TOP3B: variants seen among roughly 807,000 people sequenced by gnomAD.
The protein encoded by TOP3B is DNA topoisomerase III beta, also known as DNA topoisomerase 3-beta-1.
A neutral mutation model predicts 93.9 loss-of-function variants in TOP3B; 45 were observed. The observed-to-expected ratio is 0.48, with a 90% CI of 0.38 to 0.61. TOP3B has a LOEUF of 0.61. TOP3B is among the 20% of genes least tolerant of loss of function. TOP3B has a pLI of 0.00. For missense variants in TOP3B, 750 were observed against 1,156.1 expected (o/e 0.65, Z 5.09); for synonymous variants, 357 against 472.6 (o/e 0.76, Z 3.17).
chr22:21,980,130 C>A (rs9610796), intron 1 of TOP3B, among the ~76,000 whole-genome samples: 18,219 of 151,984 alleles, frequency 0.12, 1,185 homozygotes, highest in African/African-American at 0.13. Context: ...TATGTGTGCA[C>A]ACGTGTGCAC....
chr22:21,960,528 G>T, intron 13 of TOP3B, 79 bp from the exon 14 acceptor site: 1 of 1,581,300 alleles, frequency 6.3e-7, no homozygotes. Context: ...CACCTGTCAC[G>T]GGGCCCCTGG....
chr22:21,959,523 G>A, intron 15 of TOP3B, 64 bp downstream of exon 15: 3 of 1,537,188 alleles, frequency 2.0e-6, no homozygotes, highest in Non-Finnish European at 2.6e-6. Context: ...TGGGTCCCCA[G>A]GTACTGGCCT....
intron 1 of TOP3B, among the ~76,000 whole-genome samples, chr22:21,980,820 G>A (rs1055424601): frequency 1.3e-5 from 2 of 152,184 alleles, no homozygotes; most frequent in Admixed American, 1.3e-4. Flanking sequence ...TGCATCTGGC[G>A]TCAGCAGTCT....
chr22:21,975,352 G>C, intron 2 of TOP3B: 1 of 303,120 alleles, frequency 3.3e-6, no homozygotes. Context: ...TCCAGGGCTG[G>C]TTTCTACTAC....
chr22:21,958,887 A>C, intron 16 of TOP3B, 194 bp from the exon 17 acceptor site: 4 of 1,084,454 alleles, frequency 3.7e-6, no homozygotes, highest in Non-Finnish European at 5.1e-6. Flanking sequence ...CTGTGTGTAC[A>C]TTAATGCCCA....
rs144318860 is a variant in TOP3B at position 21,972,763 on chromosome 22, C to T, written c.203-45G>A. On this transcript the variant is annotated intron_variant, in intron 3 of 17. Transcript: ENST00000357179. ...ACATTGAGTCACAGGAGCTCAGCCT[C>T]CGAGACCATCATAACCCCAGGAGGA... 8.2e-4 allele frequency: 1,230 copies of T among 1,499,444 alleles called. 20 individuals are homozygous for T. The East Asian group carries it at 0.016, about 20-fold the overall frequency. The allele number at this position is 1,499,444 out of a possible 1,614,324, so 92.9% of individuals were successfully genotyped here.
At chr22:21,967,406 TG>T in intron 8 of TOP3B, 196 bp downstream of exon 8, 1 of 587,112 alleles carries the variant, frequency 1.7e-6, no homozygotes, top group Non-Finnish European at 3.0e-6. Flanking sequence ...TGCAGTACAC[TG>T]TGACTATTGC....
In TOP3B at chr22:21,971,198, G is replaced by T; in HGVS notation, c.384+679C>A. On this transcript the variant is annotated intron_variant, in intron 5 of 17. Transcript: ENST00000357179. This position sits in a 1 kb window ranked among gnomAD's most constrained non-coding sequence, Gnocchi z 4.6. ...TGTGATCGCATTTGCTGAGGGTGCT[G>T]TACTGCAACGCCAGGTGCCTCAGCT... is the stretch of plus-strand genomic sequence containing the variant. 1 of 439,486 alleles carries T rather than the reference G, an allele frequency of 2.3e-6. No individual in the cohort carries two copies. Among genetic ancestry groups the T allele is most frequent in the Non-Finnish European group, 3.9e-6 (1 of 257,742 alleles). The allele number at this position is 439,486 out of a possible 1,614,324, so 27.2% of individuals were successfully genotyped here.
chr22:21,962,366 G>A (rs752582441), intron 13 of TOP3B, 63 bp downstream of exon 13: 1 of 1,607,650 alleles, frequency 6.2e-7, no homozygotes, highest in South Asian at 1.1e-5. Flanking sequence ...AGCTTTGTGA[G>A]TAGACTCGAA....
intron 1 of TOP3B, among the ~76,000 whole-genome samples, chr22:21,979,954 A>C (rs1291936497): frequency 6.6e-6 from 1 of 150,838 alleles, no homozygotes; most frequent in Middle Eastern, 3.2e-3. Context: ...AAAAAAAAAA[A>C]AAAAAAAAAA....
rs997825378 is a variant in TOP3B at position 21,971,747 on chromosome 22, A to T, written c.384+130T>A. 2.1e-5 allele frequency: 16 copies of T among 764,782 alleles called. No individual in the cohort carries two copies. In the African/African-American group the frequency reaches 2.6e-4, roughly 12 times the overall value. The allele number at this position is 764,782 out of a possible 1,614,324, so 47.4% of individuals were successfully genotyped here. ...GAGTTTCAGAATAAAGGGAGGGGAG[A>T]GGTGTTTTTAAACCGGTACAGTTTA... On this transcript the variant is annotated intron_variant, in intron 5 of 17. Coordinates refer to ENST00000357179, the MANE Select transcript of TOP3B (RefSeq NM_001282112.2). This position sits in a 1 kb window ranked among gnomAD's most constrained non-coding sequence, Gnocchi z 4.6.
At position 21,968,692 on chromosome 22, in the gene TOP3B, A is replaced by G. The variant is rs2071510828; in HGVS notation, c.665T>C (p.Leu222Pro). The change falls in exon 7 of 18, where the codon CTG (leucine) becomes CCG (proline). Residue 222 changes from leucine (L) to proline (P), a missense_variant. Around this residue, in one of 4 missense-constraint regions of TOP3B, gnomAD observed 737 missense variants for 933.7 expected, o/e 0.79. Transcript: ENST00000357179. ...ISFGPCQTPT[L>P]GFCVERHDKI... ...ATCATGTCTCTCCACACAGAATCCC[A>G]GGGTTGGAGTCTGACACGGCCCAAA... 1 of 1,614,170 alleles carries G rather than the reference A, an allele frequency of 6.2e-7. No individual in the cohort carries two copies. Among genetic ancestry groups the G allele is most frequent in the Non-Finnish European group, 8.5e-7 (1 of 1,180,026 alleles).
intron 4 of TOP3B, chr22:21,972,325 T>A (rs997597806): frequency 4.3e-6 from 2 of 466,058 alleles, no homozygotes; most frequent in Non-Finnish European, 7.5e-6. Flanking sequence ...TTCCATAATC[T>A]GTATGCATTT....
Position 21,959,595 on chromosome 22 carries a change from G to A in TOP3B, c.1796C>T (p.Ser599Phe). Reference protein sequence around the residue: ...FKRKFHYFVDSIAGMDELMEV... With the variant: ...FKRKFHYFVDFIAGMDELMEV... ...CCAGAGGCAGACTCTACCAGCAATGGAGTCGACAAAGTAGTGGAACTTCCT... is the reference window on the plus strand; with the variant it reads ...CCAGAGGCAGACTCTACCAGCAATGAAGTCGACAAAGTAGTGGAACTTCCT... The change falls in exon 15 of 18, where the codon TCC becomes TTC. Residue 599 changes from serine to phenylalanine, a missense_variant. Around this residue, in one of 4 missense-constraint regions of TOP3B, gnomAD observed 737 missense variants for 933.7 expected, o/e 0.79. Coordinates refer to ENST00000357179, the MANE Select transcript of TOP3B (RefSeq NM_001282112.2). 1 of 1,610,404 alleles carries A rather than the reference G, an allele frequency of 6.2e-7. No individual in the cohort carries two copies. Among genetic ancestry groups the A allele is most frequent in the South Asian group, 1.1e-5 (1 of 90,666 alleles).
intron 8 of TOP3B, chr22:21,967,287 T>C (rs370328621): frequency 3.3e-6 from 1 of 306,732 alleles, no homozygotes. Flanking sequence ...CTGTGTGAAA[T>C]GGAGTCCTGC....
chr22:21,967,996 C>T (rs1051347442), intron 7 of TOP3B: 4 of 413,810 alleles, frequency 9.7e-6, no homozygotes, highest in East Asian at 1.0e-4. Flanking sequence ...ACTTCTCACA[C>T]CACCCCTGCC....
chr22:21,978,767 GAC>G (rs1280790817), intron 1 of TOP3B, among the ~76,000 whole-genome samples: 1 of 152,222 alleles, frequency 6.6e-6, no homozygotes, highest in African/African-American at 2.4e-5. Flanking sequence ...TGTGGTGAGT[GAC>G]AGATGAAAGC....
chr22:21,969,000 G>A (rs1040897395), intron 6 of TOP3B: 4 of 540,098 alleles, frequency 7.4e-6, no homozygotes, highest in Non-Finnish European at 9.9e-6. Flanking sequence ...GGTTTCTACT[G>A]TCTCAGGCCA....
At chr22:21,975,487 T>G in intron 2 of TOP3B, 153 bp downstream of exon 2, 1 of 805,694 alleles carries the variant, frequency 1.2e-6, no homozygotes, top group Non-Finnish European at 1.8e-6. Context: ...TGGAAGCAAA[T>G]GCACCCCACT....
Sources: gnomAD v4.1 joint callset for allele counts (sites outside exome capture counted in the v4.1 genomes callset) on GRCh38, gnomAD v4.1.1 for gene constraint, gnomAD v4.1.1 regional missense constraint, Gnocchi (gnomAD v3.1) non-coding constraint, MANE v1.5 for transcripts, NCBI Gene and HGNC (gene_info 2026-07-23, HGNC 2026-07-21) for gene names.